HSPBAP1: variants seen among roughly 807,000 people sequenced by gnomAD.
The protein encoded by HSPBAP1 is HSPB1-associated protein 1.
In HSPBAP1, 27 loss-of-function variants were observed where a neutral mutation model predicts 45.2. The ratio of observed to expected loss-of-function variants is 0.60; its 90% CI spans 0.44 to 0.82. HSPBAP1 has a LOEUF of 0.82. Among genes scored for constraint, HSPBAP1 ranks in the 40% least tolerant of loss-of-function variants. The pLI is 0.00. For missense variants in HSPBAP1, 510 were observed against 590.9 expected (o/e 0.86, Z 1.42); for synonymous variants, 204 against 202.7 (o/e 1.01, Z -0.06).
intron 2 of HSPBAP1, among the ~76,000 whole-genome samples, chr3:122,772,340 A>G (rs1402389764): frequency 6.6e-6 from 1 of 152,202 alleles, no homozygotes; most frequent in Non-Finnish European, 1.5e-5. Context: ...AATAATATAT[A>G]AGAAAAAAGA....
intron 5 of HSPBAP1, chr3:122,754,399 T>C (rs2107507483): frequency 6.9e-6 from 2 of 290,856 alleles, no homozygotes; most frequent in Non-Finnish European, 1.0e-5. Flanking sequence ...CCCTGTATTA[T>C]AATATTGCAC....
chr3:122,758,968 A>T, intron 4 of HSPBAP1: 1 of 444,552 alleles, frequency 2.2e-6, no homozygotes, highest in Non-Finnish European at 4.2e-6. Flanking sequence ...TCAGAGTTCT[A>T]GAATAAACTC....
chr3:122,777,376 G>A (rs1194356474), intron 2 of HSPBAP1, among the ~76,000 whole-genome samples: 3 of 152,130 alleles, frequency 2.0e-5, no homozygotes, highest in African/African-American at 7.2e-5. Flanking sequence ...TGGTCTAATA[G>A]GAACATGAAT....
intron 6 of HSPBAP1, among the ~76,000 whole-genome samples, chr3:122,745,597 C>G (rs1933819395): frequency 6.6e-6 from 1 of 152,200 alleles, no homozygotes; most frequent in Admixed American, 6.5e-5. Context: ...TCACCTGCCT[C>G]TGAGTCACTC....
rs373090215 is a variant in HSPBAP1, at chr3:122,777,802, G to A, written c.169C>T (p.His57Tyr). ...CNMVFDWPAR[H>Y]WNAKYLSQVL... ...TGCGAAAGGTATTTAGCATTCCAGT[G>A]TCGTGCTGGCCAATCAAACACCATG... is the stretch of plus-strand genomic sequence containing the variant. The change falls in exon 2 of 8, where the codon CAC becomes TAC. Residue 57 changes from histidine (H) to tyrosine (Y), a missense_variant. Transcript: ENST00000306103. 1.1e-5 allele frequency: 17 copies of A among 1,613,764 alleles called. No individual in the cohort carries two copies. The African/African-American group carries it at 2.3e-4, about 22-fold the overall frequency.
In HSPBAP1 at chr3:122,751,395, CA is replaced by C. The variant is rs747863316; in HGVS notation, c.825+1195del. On this transcript the variant is annotated intron_variant, in intron 6 of 7. Coordinates refer to ENST00000306103, the MANE Select transcript of HSPBAP1 (RefSeq NM_024610.6). ...GTAATTATCTATGTTAGACAGCTAACAAAGGTAACCTGTATCTTAAAGTTGC... is the reference window on the plus strand; with the variant it reads ...GTAATTATCTATGTTAGACAGCTAACAAGGTAACCTGTATCTTAAAGTTGC... 6.1e-4 allele frequency among the ~76,000 whole-genome samples: 93 copies of C among 152,216 alleles called. 1 individual carries two copies. Among genetic ancestry groups the C allele is most frequent in the Middle Eastern group, 3.4e-3 (1 of 294 alleles).
At chr3:122,747,023 C>T (rs1933893922) in intron 6 of HSPBAP1, among the ~76,000 whole-genome samples, 1 of 152,172 alleles carries the variant, frequency 6.6e-6, no homozygotes, top group African/African-American at 2.4e-5. Context: ...CTCCCAGCCG[C>T]CTGCCTTGGC....
chr3:122,746,147 T>C (rs1933839902), intron 6 of HSPBAP1, among the ~76,000 whole-genome samples: 1 of 152,134 alleles, frequency 6.6e-6, no homozygotes, highest in East Asian at 1.9e-4. Context: ...GCAAAGCTTA[T>C]GTGAGGAAAA....
In HSPBAP1 at chr3:122,793,727, T is replaced by TG. The variant is rs1935913634; in HGVS notation, c.-48dup. 6.3e-7 allele frequency: 1 copy of TG among 1,592,710 alleles called. No homozygotes were observed. Among genetic ancestry groups the TG allele is most frequent in the Non-Finnish European group, 8.6e-7 (1 of 1,162,110 alleles). ...GCCGGAACCCAAGGCGGAGCGGAGC[T>TG]GGGGTGGGGTCAGAGTAGGGGCCAA... On this transcript the variant is annotated 5_prime_UTR_variant, in exon 1 of 8. Coordinates refer to ENST00000306103, the MANE Select transcript of HSPBAP1 (RefSeq NM_024610.6).
chr3:122,773,303 G>GTTT (rs36065763), intron 2 of HSPBAP1, among the ~76,000 whole-genome samples: 29 of 84,422 alleles, frequency 3.4e-4, no homozygotes, highest in African/African-American at 7.0e-4. Flanking sequence ...AAATAAATGT[G>GTTT]TTTTTTTTTT....
chr3:122,773,197 C>T (rs77587996), intron 2 of HSPBAP1, among the ~76,000 whole-genome samples: 8,239 of 151,800 alleles, frequency 0.054, 287 homozygotes, highest in Middle Eastern at 0.11. Context: ...TTTTTAAACC[C>T]TAAAATCCCA....
intron 3 of HSPBAP1, among the ~76,000 whole-genome samples, 158 bp downstream of exon 3, chr3:122,768,540 TCTC>T (rs1233433526): frequency 6.6e-6 from 1 of 152,180 alleles, no homozygotes; most frequent in African/African-American, 2.4e-5. Context: ...ATGGTACACT[TCTC>T]TTCAGCAAAT....
chr3:122,783,924 G>A lies in HSPBAP1; in HGVS notation c.65-6018C>T, dbSNP rs546315309. On this transcript the variant is annotated intron_variant, in intron 1 of 7. Coordinates refer to ENST00000306103, the MANE Select transcript of HSPBAP1 (RefSeq NM_024610.6). ...CGGCTCACTGCAAGCTCCGCCTCCC[G>A]GGTTCACGCCATTCTCCTGCCTTAG... Among the ~76,000 whole-genome samples the A allele has an allele frequency of 5.3e-5, 8 of 151,748 alleles. No homozygotes were observed. In the South Asian group the frequency reaches 1.2e-3, roughly 24 times the overall value.
chr3:122,755,252 C>A lies in HSPBAP1; in HGVS notation c.741+8G>T. 2 of 1,541,020 alleles carry A rather than the reference C, an allele frequency of 1.3e-6. No homozygotes were observed. The highest frequency in any genetic ancestry group is 1.7e-6 in the Non-Finnish European group (2 of 1,147,858). On this transcript the variant is annotated splice_region_variant and intron_variant, in intron 5 of 7. Transcript: ENST00000306103. The stretch of plus-strand genomic sequence containing the variant: ...TGGCAGGTCATTAATGTTTTAAAGC[C>A]CTATTACCTGTCCTGGGCTCAGTGT...
At chr3:122,744,495 G>A (rs1308447027) in intron 6 of HSPBAP1, among the ~76,000 whole-genome samples, 1 of 152,196 alleles carries the variant, frequency 6.6e-6, no homozygotes, top group Non-Finnish European at 1.5e-5. Flanking sequence ...AGAAAGATAT[G>A]ATTATTTAAC....
intron 1 of HSPBAP1, among the ~76,000 whole-genome samples, chr3:122,781,421 G>A (rs1221194691): frequency 3.3e-5 from 5 of 151,698 alleles, no homozygotes; most frequent in African/African-American, 7.2e-5. Flanking sequence ...CAGGCGTGGC[G>A]GCGCGTGCCT....
intron 3 of HSPBAP1, among the ~76,000 whole-genome samples, chr3:122,760,318 T>C (rs1319384873): frequency 6.6e-6 from 1 of 152,032 alleles, no homozygotes; most frequent in Non-Finnish European, 1.5e-5. Flanking sequence ...GCCTTATTTT[T>C]ATTTTAATCA....
chr3:122,747,458 G>A (rs953978988), intron 6 of HSPBAP1, among the ~76,000 whole-genome samples: 5 of 151,860 alleles, frequency 3.3e-5, no homozygotes, highest in East Asian at 2.0e-4. Context: ...GTCTCCGCCC[G>A]GCCAGCCGCC....
At chr3:122,770,841 GA>G (rs1430416363) in intron 2 of HSPBAP1, among the ~76,000 whole-genome samples, 1 of 152,212 alleles carries the variant, frequency 6.6e-6, no homozygotes, top group Non-Finnish European at 1.5e-5. Context: ...TGGGAAATAG[GA>G]GTCATTTCTA....
Sources: gnomAD v4.1 joint callset for allele counts (sites outside exome capture counted in the v4.1 genomes callset) on GRCh38, gnomAD v4.1.1 for gene constraint, MANE v1.5 for transcripts, NCBI Gene and HGNC (gene_info 2026-07-23, HGNC 2026-07-21) for gene names.